Variants in EYA4 observed in about 807,000 individuals in gnomAD.
EYA4 encodes the protein protein phosphatase EYA4.
A neutral mutation model predicts 87.9 loss-of-function variants in EYA4; 31 were observed. That is an observed-to-expected ratio of 0.35 (90% confidence interval 0.27 to 0.48). The LOEUF (loss-of-function observed/expected upper bound fraction) is 0.48. EYA4 is among the 20% of genes least tolerant of loss of function. The pLI is 0.99. For missense variants in EYA4, 678 were observed against 761.4 expected (o/e 0.89, Z 1.29); for synonymous variants, 263 against 270.6 (o/e 0.97, Z 0.28).
intron 13 of EYA4, among the ~76,000 whole-genome samples, chr6:133,486,581 A>G (rs565568963): frequency 6.6e-6 from 1 of 152,344 alleles, no homozygotes; most frequent in Admixed American, 6.5e-5. Context: ...CATTTCAGGT[A>G]TTGGTGACTT....
At chr6:133,316,203 A>G (rs1404250465) in intron 2 of EYA4, among the ~76,000 whole-genome samples, 1 of 152,178 alleles carries the variant, frequency 6.6e-6, no homozygotes, top group East Asian at 1.9e-4. Flanking sequence ...CTCAGCAAAT[A>G]GTTGATATTA....
chr6:133,264,947 A>G (rs1275023280), intron 1 of EYA4, among the ~76,000 whole-genome samples: 2 of 152,128 alleles, frequency 1.3e-5, no homozygotes, highest in Non-Finnish European at 2.9e-5. Context: ...TCAGAGGATT[A>G]GGTGTACTTC....
At chr6:133,363,176 T>C (rs888985848) in intron 2 of EYA4, 1 of 152,266 alleles carries the variant, frequency 6.6e-6, no homozygotes, top group Non-Finnish European at 1.5e-5. Flanking sequence ...TAGCTTCCCC[T>C]GCTGAATTGT....
intron 3 of EYA4, among the ~76,000 whole-genome samples, chr6:133,411,321 C>CA (rs1452519228): frequency 2.6e-5 from 4 of 152,000 alleles, no homozygotes; most frequent in Non-Finnish European, 5.9e-5. Context: ...GAGCGGGACC[C>CA]AATTATTACT....
Position 133,256,638 on chromosome 6 carries a change from A to C in EYA4, c.-66+14889A>C, listed in dbSNP as rs1022559057. ...GTGTCATATCAATGACTAATTTATAAATCTGTTACTTATTATAATCTGTTT... is the reference window on the plus strand; with the variant it reads ...GTGTCATATCAATGACTAATTTATACATCTGTTACTTATTATAATCTGTTT... On this transcript the variant is annotated intron_variant, in intron 1 of 19. Coordinates refer to ENST00000355286, the MANE Select transcript of EYA4 (RefSeq NM_004100.5). Among the ~76,000 whole-genome samples, 17 of 152,256 alleles carry C rather than the reference A, an allele frequency of 1.1e-4. No homozygotes were observed. In the East Asian group the frequency reaches 2.7e-3, roughly 24 times the overall value.
At chr6:133,342,044 G>A (rs773516258) in intron 2 of EYA4, among the ~76,000 whole-genome samples, 2 of 152,044 alleles carry the variant, frequency 1.3e-5, no homozygotes, top group Non-Finnish European at 2.9e-5. Context: ...CCTCTAAAGA[G>A]GCTGACTGAC....
At chr6:133,297,610 A>C (rs1779038760) in intron 2 of EYA4, among the ~76,000 whole-genome samples, 1 of 152,166 alleles carries the variant, frequency 6.6e-6, no homozygotes, top group African/African-American at 2.4e-5. Context: ...TTCAGGGCAA[A>C]CACAGCCTGT....
intron 2 of EYA4, among the ~76,000 whole-genome samples, chr6:133,299,947 CTATCTATCTA>C (rs1247726633): frequency 7.1e-6 from 1 of 140,292 alleles, no homozygotes; most frequent in Non-Finnish European, 1.5e-5. Context: ...ATCTATCTAT[CTATCTATCTA>C]TATATATATA....
At chr6:133,472,393 G>C (rs1237269462) in intron 11 of EYA4, among the ~76,000 whole-genome samples, 2,783 of 94,786 alleles carry the variant, frequency 0.029, 212 homozygotes, top group African/African-American at 0.14. Context: ...TTTCCATGTA[G>C]TTGAGTGGCT....
intron 2 of EYA4, among the ~76,000 whole-genome samples, chr6:133,300,878 G>A (rs903845621): frequency 3.3e-5 from 5 of 152,132 alleles, no homozygotes; most frequent in African/African-American, 9.7e-5. Context: ...CTTTTAATGA[G>A]CGCAATAGTT....
intron 2 of EYA4, chr6:133,363,514 A>G (rs79027645): frequency 0.096 from 13,795 of 143,616 alleles, 765 homozygotes; most frequent in East Asian, 0.16. Flanking sequence ...TTGCTCTGTC[A>G]CCCAGTCTGG....
chr6:133,313,583 TG>T (rs1261381408), intron 2 of EYA4, among the ~76,000 whole-genome samples: 1 of 152,234 alleles, frequency 6.6e-6, no homozygotes. Flanking sequence ...CGAGGTTAGT[TG>T]TTGCTATTCC....
chr6:133,370,229 A>C (rs1462674288), intron 2 of EYA4, among the ~76,000 whole-genome samples: 1 of 152,184 alleles, frequency 6.6e-6, no homozygotes, highest in African/African-American at 2.4e-5. Flanking sequence ...CGCACTACAG[A>C]ACTGACTTCC....
intron 3 of EYA4, among the ~76,000 whole-genome samples, chr6:133,435,845 A>G (rs539130300): frequency 2.0e-5 from 3 of 151,380 alleles, no homozygotes; most frequent in African/African-American, 7.4e-5. Context: ...GTGTACACAC[A>G]CACACACAGA....
chr6:133,381,616 T>A (rs1786231830), intron 2 of EYA4, among the ~76,000 whole-genome samples: 2 of 152,180 alleles, frequency 1.3e-5, no homozygotes, highest in South Asian at 4.1e-4. Flanking sequence ...ATGTATATTG[T>A]ACATTTTTCA....
chr6:133,316,383 A>G (rs1161412168), intron 2 of EYA4, among the ~76,000 whole-genome samples: 6 of 152,302 alleles, frequency 3.9e-5, no homozygotes, highest in Non-Finnish European at 7.4e-5. Context: ...CATAATAGTT[A>G]CATAATCAGC....
chr6:133,484,893 C>A (rs563647868), intron 13 of EYA4, among the ~76,000 whole-genome samples: 24 of 152,306 alleles, frequency 1.6e-4, no homozygotes, highest in Admixed American at 2.6e-4. Context: ...TTATCATTAG[C>A]CTTTTAACAT....
intron 2 of EYA4, among the ~76,000 whole-genome samples, chr6:133,381,094 G>A (rs1473102925): frequency 0.014 from 767 of 54,216 alleles, 8 homozygotes; most frequent in African/African-American, 0.05. Flanking sequence ...TTTTTTTTTT[G>A]CCCCTCCATC....
chr6:133,479,076 T>A (rs1363628827), intron 11 of EYA4, among the ~76,000 whole-genome samples: 1 of 152,194 alleles, frequency 6.6e-6, no homozygotes, highest in African/African-American at 2.4e-5. Context: ...GCATGCTTAA[T>A]AAGTGAGGGT....
Sources: allele counts gnomAD v4.1 joint callset (sites outside exome capture counted in the v4.1 genomes callset), GRCh38; gene constraint gnomAD v4.1.1; transcripts MANE v1.5; gene names NCBI Gene and HGNC (gene_info 2026-07-23, HGNC 2026-07-21).